SEMA5B: variants seen among roughly 807,000 people sequenced by gnomAD.
SEMA5B encodes the protein semaphorin-5B.
SEMA5B carries 66 observed loss-of-function variants against 135.0 expected under a neutral mutation model. The ratio of observed to expected loss-of-function variants is 0.49; its 90% CI spans 0.40 to 0.60. SEMA5B has a LOEUF of 0.60. Ranked by LOEUF, SEMA5B falls within the 20% of genes least tolerant of loss-of-function variation. The pLI is 0.00. For synonymous variants in SEMA5B, 690 were observed against 639.5 expected (o/e 1.08, Z -1.19); for missense variants, 1,501 against 1,566.3 (o/e 0.96, Z 0.70).
At chr3:122,953,041 C>A (rs890463684) in intron 2 of SEMA5B, among the ~76,000 whole-genome samples, 19 of 152,192 alleles carry the variant, frequency 1.2e-4, no homozygotes, top group Non-Finnish European at 7.4e-5. Flanking sequence ...CTCACATTGC[C>A]CTAAGTGAGT....
intron 12 of SEMA5B, among the ~76,000 whole-genome samples, chr3:122,921,646 C>A (rs1938350227): frequency 6.6e-6 from 1 of 152,234 alleles, no homozygotes; most frequent in African/African-American, 2.4e-5. Flanking sequence ...ACAGGGATAA[C>A]AACAGCCACC....
intron 1 of SEMA5B, among the ~76,000 whole-genome samples, chr3:123,016,992 C>A (rs1454755059): frequency 6.7e-6 from 1 of 150,190 alleles, no homozygotes; most frequent in East Asian, 2.0e-4. Flanking sequence ...CCCAGGTTCA[C>A]GCCATTCTCC....
At chr3:122,913,175 G>T (rs1379273191) in intron 17 of SEMA5B, 24 bp downstream of exon 17, 1 of 1,532,960 alleles carries the variant, frequency 6.5e-7, no homozygotes, top group Non-Finnish European at 8.7e-7. Context: ...AGAGAGGAAG[G>T]AGGGGGCGCC....
chr3:122,927,287 G>A (rs1289584198), intron 8 of SEMA5B, among the ~76,000 whole-genome samples: 1 of 152,166 alleles, frequency 6.6e-6, no homozygotes, highest in Non-Finnish European at 1.5e-5. Context: ...CCTAGGCTCA[G>A]GGCATCCTAT....
chr3:123,023,675 A>G (rs762989789), intron 1 of SEMA5B, among the ~76,000 whole-genome samples: 1 of 152,060 alleles, frequency 6.6e-6, no homozygotes, highest in Non-Finnish European at 1.5e-5. Flanking sequence ...CCTTTGGACA[A>G]CTCCACATTA....
intron 5 of SEMA5B, among the ~76,000 whole-genome samples, chr3:122,930,004 T>G (rs1938883797): frequency 6.6e-6 from 1 of 152,178 alleles, no homozygotes; most frequent in African/African-American, 2.4e-5. Flanking sequence ...CTGGGTCACG[T>G]GTATAAACAT....
intron 1 of SEMA5B, among the ~76,000 whole-genome samples, chr3:122,968,418 C>A (rs1381610660): frequency 1.3e-5 from 2 of 152,148 alleles, no homozygotes; most frequent in Non-Finnish European, 2.9e-5. Flanking sequence ...AGGCAATGAA[C>A]CTGAGTCAGA....
At chr3:122,999,670 A>G (rs1252335372) in intron 1 of SEMA5B, among the ~76,000 whole-genome samples, 1 of 152,066 alleles carries the variant, frequency 6.6e-6, no homozygotes, top group Non-Finnish European at 1.5e-5. Context: ...TCCCCTCCCC[A>G]GGGAGGAGCA....
At chr3:122,928,255 G>A (rs961043728) in intron 7 of SEMA5B, among the ~76,000 whole-genome samples, 1 of 152,192 alleles carries the variant, frequency 6.6e-6, no homozygotes, top group South Asian at 2.1e-4. Context: ...ACAAAATACA[G>A]AAGGCCCAGC....
chr3:123,012,116 AG>A (rs1415288145), intron 1 of SEMA5B, among the ~76,000 whole-genome samples: 13 of 152,304 alleles, frequency 8.5e-5, no homozygotes, highest in African/African-American at 3.1e-4. Flanking sequence ...GTGAGATGTT[AG>A]GCAAGTTTCT....
chr3:123,004,381 C>T (rs1482981770), intron 1 of SEMA5B, among the ~76,000 whole-genome samples: 3 of 152,172 alleles, frequency 2.0e-5, no homozygotes, highest in African/African-American at 7.2e-5. Context: ...GGCCATTTGG[C>T]GTAAGCAAAT....
intron 4 of SEMA5B, among the ~76,000 whole-genome samples, chr3:122,940,197 T>C (rs975812667): frequency 6.6e-6 from 1 of 152,204 alleles, no homozygotes; most frequent in Non-Finnish European, 1.5e-5. Context: ...ATACTACTAG[T>C]AGTAATAATG....
At chr3:123,002,678 C>T (rs1381871031) in intron 1 of SEMA5B, among the ~76,000 whole-genome samples, 5 of 152,194 alleles carry the variant, frequency 3.3e-5, no homozygotes, top group African/African-American at 1.2e-4. Context: ...AGACATTGAT[C>T]ATTATAAGTC....
At chr3:122,915,644 G>A in intron 13 of SEMA5B, 23 bp from the exon 14 acceptor site, 1 of 1,604,476 alleles carries the variant, frequency 6.2e-7, no homozygotes. Flanking sequence ...ATGGGAGACA[G>A]TACCCCTATT....
intron 2 of SEMA5B, chr3:122,958,306 C>CACTT (rs1560364177): frequency 6.5e-6 from 1 of 152,682 alleles, no homozygotes; most frequent in African/African-American, 2.4e-5. Flanking sequence ...TCAAAGTCTC[C>CACTT]ACTTGGCTTC....
At chr3:122,942,109 C>A (rs1463238016) in intron 4 of SEMA5B, among the ~76,000 whole-genome samples, 1 of 151,968 alleles carries the variant, frequency 6.6e-6, no homozygotes, top group East Asian at 1.9e-4. Context: ...GAATGTCCTA[C>A]CATAAGACAA....
At chr3:122,981,015 C>CAGGTAGCA (rs1319629594) in intron 1 of SEMA5B, among the ~76,000 whole-genome samples, 2 of 152,184 alleles carry the variant, frequency 1.3e-5, no homozygotes, top group African/African-American at 4.8e-5. Context: ...AGCACGTCAC[C>CAGGTAGCA]AGGTAGCACT....
intron 1 of SEMA5B, chr3:122,975,916 C>T (rs1042510440): frequency 2.0e-6 from 3 of 1,469,422 alleles, no homozygotes; most frequent in Non-Finnish European, 2.7e-6. Flanking sequence ...CCCTCTCCTG[C>T]CCCCTCTCTG....
intron 1 of SEMA5B, among the ~76,000 whole-genome samples, chr3:122,967,972 C>T (rs1390073273): frequency 1.3e-5 from 2 of 152,266 alleles, no homozygotes; most frequent in Non-Finnish European, 2.9e-5. Context: ...CAGCCCTCAG[C>T]CCGCCCAAGG....
Sources: allele counts gnomAD v4.1 joint callset (sites outside exome capture counted in the v4.1 genomes callset), GRCh38; gene constraint gnomAD v4.1.1; transcripts MANE v1.5; gene names NCBI Gene and HGNC (gene_info 2026-07-23, HGNC 2026-07-21).